Variants in STAMBP observed in about 807,000 individuals in gnomAD.
STAMBP encodes STAM binding protein, also known as STAM-binding protein.
In STAMBP, 31 loss-of-function variants were observed where a neutral mutation model predicts 50.7. The ratio of observed to expected loss-of-function variants is 0.61; its 90% CI spans 0.46 to 0.83. STAMBP has a LOEUF of 0.83. STAMBP is among the 40% of genes least tolerant of loss of function. The probability of loss-of-function intolerance (pLI) is 0.00; values close to 1 mark genes in which losing one functional copy is unlikely to be tolerated. For missense variants in STAMBP, 472 were observed against 518.9 expected, an observed-to-expected ratio of 0.91 and a Z score of 0.88; for synonymous variants, 211 against 192.4, an observed-to-expected ratio of 1.10 and a Z score of -0.80.
Position 73,850,577 on chromosome 2 carries a change from A to C in STAMBP, c.1005+64A>C. Reference sequence around the variant, plus strand: ...TCTCCCATGGTGGTATAAATACATGAGTGTTTCTTTGAACAAAGTCAATTA... The same window carrying C: ...TCTCCCATGGTGGTATAAATACATGCGTGTTTCTTTGAACAAAGTCAATTA... On this transcript the variant is annotated intron_variant, in intron 7 of 9. Transcript: ENST00000394070. The surrounding 1 kb of genome is among the most constrained non-coding windows in gnomAD (Gnocchi z 4.3). 6.6e-7 allele frequency: 1 copy of C among 1,510,826 alleles called. No homozygotes were observed. Among genetic ancestry groups the C allele is most frequent in the Non-Finnish European group, 8.9e-7 (1 of 1,124,444 alleles). The allele number at this position is 1,510,826 out of a possible 1,614,324, so 93.6% of individuals were successfully genotyped here.
At chr2:73,859,419 A>G in intron 8 of STAMBP, 53 bp downstream of exon 8, 1 of 1,392,964 alleles carries the variant, frequency 7.2e-7, no homozygotes, top group Non-Finnish European at 1.0e-6. Flanking sequence ...TAGGGAAGAA[A>G]GCCTCAGGGG....
At chr2:73,832,857 C>T (rs565031893) in intron 2 of STAMBP, among the ~76,000 whole-genome samples, 32 of 152,210 alleles carry the variant, frequency 2.1e-4, no homozygotes, top group East Asian at 3.9e-4. Flanking sequence ...GGAAAGTATG[C>T]GGAAGAATGG....
downstream of STAMBP, among the ~76,000 whole-genome samples, chr2:73,871,259 T>G (rs1679186532): frequency 6.6e-6 from 1 of 152,044 alleles, no homozygotes. Flanking sequence ...TTCTTTTAAT[T>G]GCGGCCGGGC....
In STAMBP at chr2:73,864,787, T is replaced by A. The variant is rs755723351; in HGVS notation, c.*2528T>A. The A allele has an allele frequency of 6.6e-6, 1 of 152,202 alleles. No individual in the cohort carries two copies. The highest frequency in any genetic ancestry group is 1.5e-5 in the Non-Finnish European group (1 of 68,098). The allele number at this position is 152,202 out of a possible 1,614,324, so 9.4% of individuals were successfully genotyped here. ...AAAGCATCGTCAGGTTGCCAAACAATGTCCCAGTTGCCCTGGGAGGCACAA... is the reference window on the plus strand; with the variant it reads ...AAAGCATCGTCAGGTTGCCAAACAAAGTCCCAGTTGCCCTGGGAGGCACAA... On this transcript the variant is annotated 3_prime_UTR_variant, in exon 10 of 10. Transcript: ENST00000394070.
At chr2:73,834,225 AAAAAAAAAAAAATAT>A (rs1558557511) in intron 2 of STAMBP, among the ~76,000 whole-genome samples, 6 of 24,654 alleles carry the variant, frequency 2.4e-4, no homozygotes, top group African/African-American at 7.5e-4. Context: ...AAAAAAAAAA[AAAAAAAAAAAAATAT>A]ATATATATAT....
chr2:73,845,274 A>T lies in STAMBP; in HGVS notation c.375+12A>T, dbSNP rs372214723. 1.9e-6 allele frequency: 3 copies of T among 1,569,458 alleles called. No individual in the cohort carries two copies. In the African/African-American group the frequency reaches 4.1e-5, roughly 21 times the overall value. On this transcript the variant is annotated intron_variant, in intron 4 of 9. Transcript: ENST00000394070. The stretch of plus-strand genomic sequence containing the variant: ...ATAATGAAGAAAAGGTCAGTATATA[A>T]CAGCTAAGAAGAAAATTATTTTGCT...
chr2:73,839,582 T>C (rs1292100347), intron 2 of STAMBP, among the ~76,000 whole-genome samples: 1 of 152,248 alleles, frequency 6.6e-6, no homozygotes, highest in Non-Finnish European at 1.5e-5. Context: ...GGATCCTTAA[T>C]GCATCCATGT....
At chr2:73,847,802 G>C in intron 5 of STAMBP, 49 bp downstream of exon 5, 1 of 1,570,130 alleles carries the variant, frequency 6.4e-7, no homozygotes, top group Non-Finnish European at 8.6e-7. Flanking sequence ...CAGCCAAACA[G>C]TATCATTCTG....
intron 2 of STAMBP, among the ~76,000 whole-genome samples, chr2:73,840,596 T>C (rs1675268617): frequency 6.6e-6 from 1 of 151,612 alleles, no homozygotes; most frequent in Non-Finnish European, 1.5e-5. Flanking sequence ...ATACGCAAAT[T>C]AGCTGGGCGT....
At chr2:73,856,880 T>C (rs901506158) in intron 7 of STAMBP, among the ~76,000 whole-genome samples, 2 of 152,366 alleles carry the variant, frequency 1.3e-5, no homozygotes, top group East Asian at 3.9e-4. Flanking sequence ...AGCCAGTTTC[T>C]GTGTGCTGTC....
At chr2:73,869,818 C>T (rs1679133292), downstream of STAMBP, among the ~76,000 whole-genome samples, 1 of 152,076 alleles carries the variant, frequency 6.6e-6, no homozygotes, top group African/African-American at 2.4e-5. Flanking sequence ...AATCAGCAAA[C>T]TTTATTGTTG....
At chr2:73,834,680 G>A (rs1176469257) in intron 2 of STAMBP, among the ~76,000 whole-genome samples, 4 of 152,070 alleles carry the variant, frequency 2.6e-5, no homozygotes, top group East Asian at 1.9e-4. Context: ...ATACTTAAGA[G>A]TACTGTGATA....
chr2:73,852,150 A>T (rs559433944), intron 7 of STAMBP, among the ~76,000 whole-genome samples: 3 of 152,286 alleles, frequency 2.0e-5, no homozygotes, highest in Admixed American at 2.0e-4. Context: ...TAGTGTGCTG[A>T]TAAAGCCTAA....
rs969947838 is a variant in STAMBP at position 73,864,436 on chromosome 2, C to G, written c.*2177C>G. The G allele has an allele frequency of 1.3e-5, 2 of 152,228 alleles. No homozygotes were observed. The highest frequency in any genetic ancestry group is 4.8e-5 in the African/African-American group (2 of 41,444). The allele number at this position is 152,228 out of a possible 1,614,324, so 9.4% of individuals were successfully genotyped here. A position where few individuals can be genotyped will look rare whatever the true frequency, so the allele number is the denominator to read the frequency against. ...GCAGCCTAGCCACTGCAGAGGCACT[C>G]TGCATAGGATGGTCTAAGTGTCTCT... is the stretch of plus-strand genomic sequence containing the variant. On this transcript the variant is annotated 3_prime_UTR_variant, in exon 10 of 10. Coordinates refer to ENST00000394070, the MANE Select transcript of STAMBP (RefSeq NM_213622.4).
At position 73,862,258 on chromosome 2, in the gene STAMBP, G is replaced by T. The variant is rs749793548; in HGVS notation, c.1274G>T (p.Ter425LeuextTer18). The T allele has an allele frequency of 3.1e-6, 5 of 1,611,436 alleles. No individual in the cohort carries two copies. The African/African-American group carries it at 6.7e-5, about 22-fold the overall frequency. Reference protein sequence around the residue: ...DRAVTITDLR* With the variant: ...DRAVTITDLRL Reference sequence around the variant, plus strand: ...GCAGTGACCATCACAGACCTTCGATGAGCGTTTGAGTCCAACACCTTCCAA... The same window carrying T: ...GCAGTGACCATCACAGACCTTCGATTAGCGTTTGAGTCCAACACCTTCCAA... The change falls in exon 10 of 10, where the codon TGA (stop) becomes TTA (leucine). Residue 425 changes from the stop codon to leucine, a stop_lost. Coordinates refer to ENST00000394070, the MANE Select transcript of STAMBP (RefSeq NM_213622.4).
downstream of STAMBP, among the ~76,000 whole-genome samples, chr2:73,868,124 C>CAA (rs11383453): frequency 0.016 from 1,795 of 110,166 alleles, 34 homozygotes; most frequent in African/African-American, 0.049. Flanking sequence ...AACTCTGTCT[C>CAA]AAAAAAAAAA....
rs1558577393 is a variant in STAMBP at position 73,847,704 on chromosome 2, TGTG to T, written c.698_700del (p.Val233del). 1 of 1,614,184 alleles carries T rather than the reference TGTG, an allele frequency of 6.2e-7. No homozygotes were observed. The highest frequency in any genetic ancestry group is 2.2e-5 in the East Asian group (1 of 44,892). On this transcript the variant is annotated inframe_deletion, in exon 5 of 10. Transcript: ENST00000394070. ...CAACTGTAAGGCCAGCTAAGCCACC[TGTG>T]GTGGACAGGTCCTTGAAACCTGGAG...
chr2:73,855,397 G>A (rs1368601610), intron 7 of STAMBP, among the ~76,000 whole-genome samples: 2 of 152,204 alleles, frequency 1.3e-5, no homozygotes, highest in Non-Finnish European at 2.9e-5. Context: ...TGAAAGGAAG[G>A]AGGGAGAGAA....
At chr2:73,852,845 T>TTGTGTGTGTGTGTG (rs55727735) in intron 7 of STAMBP, among the ~76,000 whole-genome samples, 73 of 127,690 alleles carry the variant, frequency 5.7e-4, no homozygotes, top group African/African-American at 2.0e-3. Context: ...GCCTGGCTAA[T>TTGTGTGTGTGTGTG]TGTGTGTGTG....
Sources: gnomAD v4.1 joint callset for allele counts (sites outside exome capture counted in the v4.1 genomes callset) on GRCh38, gnomAD v4.1.1 for gene constraint, Gnocchi (gnomAD v3.1) non-coding constraint, MANE v1.5 for transcripts, NCBI Gene and HGNC (gene_info 2026-07-23, HGNC 2026-07-21) for gene names.